The following C10orf90 variants were observed in gnomAD, a reference collection of about 807,000 sequenced individuals.
C10orf90 encodes the protein chromosome 10 open reading frame 90, also known as (E2-independent) E3 ubiquitin-conjugating enzyme FATS.
C10orf90 carries 56 observed loss-of-function variants against 62.5 expected under a neutral mutation model. The observed-to-expected ratio is 0.90, with a 90% CI of 0.72 to 1.12. C10orf90 has a LOEUF of 1.12. Ranked by LOEUF, C10orf90 falls within the 50% of genes most tolerant of loss-of-function variation. The probability of loss-of-function intolerance (pLI) is 0.00; values close to 1 mark genes in which losing one functional copy is unlikely to be tolerated. For synonymous variants in C10orf90, 386 were observed against 340.4 expected (o/e 1.13, Z -1.47); for missense variants, 970 against 880.4 (o/e 1.10, Z -1.29).
chr10:126,568,366 T>A (rs1383056322), intron 2 of C10orf90, among the ~76,000 whole-genome samples: 2 of 152,164 alleles, frequency 1.3e-5, no homozygotes, highest in Non-Finnish European at 2.9e-5. Context: ...ACCGTCCTTA[T>A]TTCCTTACTG....
At chr10:126,434,096 C>T (rs1055566332) in intron 7 of C10orf90, among the ~76,000 whole-genome samples, 6 of 152,194 alleles carry the variant, frequency 3.9e-5, no homozygotes, top group Non-Finnish European at 7.3e-5. Context: ...TAAGGCCAGA[C>T]TTCCTCAAGC....
rs74827677 is a variant in C10orf90, at chr10:126,458,930, G to C, written c.2188+110C>G. 3,261 of 1,176,778 alleles carry C rather than the reference G, an allele frequency of 2.8e-3. 74 individuals carry two copies. The African/African-American group carries it at 0.046, about 16-fold the overall frequency. The allele number at this position is 1,176,778 out of a possible 1,614,324, so 72.9% of individuals were successfully genotyped here. A position where few individuals can be genotyped will look rare whatever the true frequency, so the allele number is the denominator to read the frequency against. On this transcript the variant is annotated intron_variant, in intron 7 of 9. Coordinates refer to ENST00000488181, the MANE Select transcript of C10orf90 (RefSeq NM_001350921.2). ...GCCACTTGGAGCCATAACAGGTTCT[G>C]CGTATGTCAGTGGCATCATTTGGAG...
chr10:126,435,669 A>G (rs1381485568), intron 7 of C10orf90, among the ~76,000 whole-genome samples: 1 of 152,166 alleles, frequency 6.6e-6, no homozygotes, highest in East Asian at 1.9e-4. Flanking sequence ...AACCATATCT[A>G]TGAAAAACAT....
chr10:126,459,336 G>A (rs55945416), intron 6 of C10orf90, 119 bp from the exon 7 acceptor site: 159,244 of 1,115,528 alleles, frequency 0.14, 11,754 homozygotes, highest in African/African-American at 0.18. Flanking sequence ...CAAAAGCCAC[G>A]GTGCAAAAGT....
At position 126,553,368 on chromosome 10, in the gene C10orf90, G is replaced by C. The variant is rs10794088; in HGVS notation, c.314-39429C>G. Reference sequence around the variant, plus strand: ...AAAAGGCACTTCATAAGAGAGTATAGCTAGTGACAAATAAGGACATGAATA... The same window carrying C: ...AAAAGGCACTTCATAAGAGAGTATACCTAGTGACAAATAAGGACATGAATA... On this transcript the variant is annotated intron_variant, in intron 2 of 9. Transcript: ENST00000488181. Among the ~76,000 whole-genome samples the C allele has an allele frequency of 8.3e-3, 1,260 of 152,102 alleles. 7 individuals carry two copies. Among genetic ancestry groups the C allele is most frequent in the Non-Finnish European group, 0.014 (927 of 67,962 alleles).
chr10:126,521,862 T>C (rs1344124261), intron 2 of C10orf90, among the ~76,000 whole-genome samples: 1 of 152,170 alleles, frequency 6.6e-6, no homozygotes, highest in African/African-American at 2.4e-5. Flanking sequence ...CCAACCAAAT[T>C]TGAGGTAGCT....
intron 1 of C10orf90, among the ~76,000 whole-genome samples, chr10:126,660,714 T>G (rs1194697625): frequency 6.6e-6 from 1 of 152,384 alleles, no homozygotes; most frequent in East Asian, 1.9e-4. Context: ...CTGCTATGTA[T>G]GTAATAATTT....
intron 2 of C10orf90, among the ~76,000 whole-genome samples, chr10:126,557,038 G>A (rs989853296): frequency 6.1e-5 from 9 of 146,848 alleles, no homozygotes; most frequent in South Asian, 2.2e-4. Flanking sequence ...GGCAAAAACC[G>A]CAATTACTTT....
chr10:126,488,076 C>T (rs187490590), intron 4 of C10orf90, among the ~76,000 whole-genome samples: 2 of 151,608 alleles, frequency 1.3e-5, no homozygotes, highest in African/African-American at 2.4e-5. Flanking sequence ...AAAATTAATT[C>T]GATACAAGGA....
chr10:126,527,070 A>G (rs1863972379), intron 2 of C10orf90, among the ~76,000 whole-genome samples: 1 of 149,384 alleles, frequency 6.7e-6, no homozygotes, highest in Non-Finnish European at 1.5e-5. Context: ...ATTCTTATAC[A>G]TAACCTAGGA....
At chr10:126,664,031 C>CACA (rs1234671524) in intron 1 of C10orf90, among the ~76,000 whole-genome samples, 12 of 152,172 alleles carry the variant, frequency 7.9e-5, no homozygotes, top group Non-Finnish European at 4.4e-5. Context: ...TGGAAGAACT[C>CACA]ACACTCTCAA....
At chr10:126,624,720 G>C (rs927562014) in intron 2 of C10orf90, among the ~76,000 whole-genome samples, 5 of 152,152 alleles carry the variant, frequency 3.3e-5, no homozygotes, top group African/African-American at 9.7e-5. Context: ...GCACCCATAG[G>C]TGTCACCTTT....
intron 2 of C10orf90, among the ~76,000 whole-genome samples, chr10:126,518,741 T>C (rs1006636006): frequency 1.3e-5 from 2 of 152,142 alleles, no homozygotes; most frequent in African/African-American, 4.8e-5. Flanking sequence ...TCTCCTAAGA[T>C]GACTGGAAGG....
chr10:126,439,563 T>G (rs571860860), intron 7 of C10orf90, among the ~76,000 whole-genome samples: 92 of 151,510 alleles, frequency 6.1e-4, no homozygotes, highest in African/African-American at 2.2e-3. Context: ...AGAAAAAAAA[T>G]GACATCAGGA....
chr10:126,612,449 A>G lies in C10orf90; in HGVS notation c.313+34116T>C, dbSNP rs17155023. Among the ~76,000 whole-genome samples the G allele has an allele frequency of 4.0e-3, 615 of 152,288 alleles. 20 individuals carry two copies. In the East Asian group the frequency reaches 0.079, roughly 20 times the overall value. On this transcript the variant is annotated intron_variant, in intron 2 of 9. Transcript: ENST00000488181. ...TGGATGGCATGAAAGGAGGAAAGAT[A>G]AAAGGCCCTACACGTGGCCACCCTG...
At chr10:126,467,128 C>T (rs1590957206) in intron 4 of C10orf90, among the ~76,000 whole-genome samples, 1 of 152,158 alleles carries the variant, frequency 6.6e-6, no homozygotes, top group Non-Finnish European at 1.5e-5. Flanking sequence ...ATATTTTAAT[C>T]TATCTATCAT....
chr10:126,645,990 G>C (rs546898135), intron 2 of C10orf90, among the ~76,000 whole-genome samples: 1 of 152,286 alleles, frequency 6.6e-6, no homozygotes, highest in East Asian at 1.9e-4. Flanking sequence ...GATTAACCCA[G>C]TAGTCTTATT....
chr10:126,535,861 C>T (rs77554052), intron 2 of C10orf90, among the ~76,000 whole-genome samples: 1,763 of 152,238 alleles, frequency 0.012, 44 homozygotes, highest in African/African-American at 0.04. Flanking sequence ...CTCAGGCCCA[C>T]GCTAGGAGTG....
chr10:126,594,864 A>T (rs1164961725), intron 2 of C10orf90, among the ~76,000 whole-genome samples: 1 of 152,118 alleles, frequency 6.6e-6, no homozygotes, highest in African/African-American at 2.4e-5. Context: ...AAAGAAGGGC[A>T]CTAAGAGGCA....
Sources: allele counts gnomAD v4.1 joint callset (sites outside exome capture counted in the v4.1 genomes callset), GRCh38; gene constraint gnomAD v4.1.1; transcripts MANE v1.5; gene names NCBI Gene and HGNC (gene_info 2026-07-23, HGNC 2026-07-21).